The following SPTAN1 variants were observed in gnomAD, a reference collection of about 807,000 sequenced individuals.
The protein encoded by SPTAN1 is spectrin alpha, non-erythrocytic 1, also known as spectrin alpha chain, non-erythrocytic 1.
Under a neutral mutation model 331.3 loss-of-function variants are expected in SPTAN1, and 61 were observed. The ratio of observed to expected loss-of-function variants is 0.18; its 90% CI spans 0.15 to 0.23. The LOEUF is 0.23. Ranked by LOEUF, SPTAN1 falls within the 10% of genes least tolerant of loss-of-function variation. The pLI is 1.00. For missense variants in SPTAN1, 2,043 were observed against 3,147.9 expected (o/e 0.65, Z 8.40); for synonymous variants, 1,153 against 1,173.9 (o/e 0.98, Z 0.36).
rs1192584866 is a variant in SPTAN1 at position 128,627,070 on chromosome 9, C to T, written c.6577-316C>T. 6 of 554,436 alleles carry T rather than the reference C, an allele frequency of 1.1e-5. No homozygotes were observed. Among genetic ancestry groups the T allele is most frequent in the Non-Finnish European group, 2.1e-5 (6 of 292,308 alleles). 34.3% of individuals were successfully genotyped at this position (554,436 alleles called of 1,614,324 possible). The stretch of plus-strand genomic sequence containing the variant: ...TCAAGCAGTCCTCCTGCCCAGGCCT[C>T]CCAAAGTGCTGGGATTACAGGTGTG... On this transcript the variant is annotated intron_variant, in intron 49 of 56. Coordinates refer to ENST00000372739, the MANE Select transcript of SPTAN1 (RefSeq NM_001130438.3). This position sits in a 1 kb window ranked among gnomAD's most constrained non-coding sequence, Gnocchi z 4.9.
rs747186260 is a variant in SPTAN1 at position 128,632,463 on chromosome 9, A to G, written c.6992A>G (p.Lys2331Arg). The change falls in exon 54 of 57, where the codon AAA (lysine) becomes AGA (arginine). Residue 2331 changes from lysine to arginine, a missense_variant. Around this residue, in one of 12 missense-constraint regions of SPTAN1, gnomAD observed 58 missense variants for 74.0 expected, o/e 0.78. Transcript: ENST00000372739. The stretch of plus-strand genomic sequence containing the variant: ...ACAGGTGTGACTGAGGAGGCCCTCA[A>G]AGAATTCAGCATGATGTTTAAGTGA... The part of the protein sequence containing the change: ...NTTGVTEEAL[K>R]EFSMMFKHFD... 6.2e-7 allele frequency: 1 copy of G among 1,614,160 alleles called. No homozygotes were observed. Among genetic ancestry groups the G allele is most frequent in the Non-Finnish European group, 8.5e-7 (1 of 1,180,028 alleles).
intron 18 of SPTAN1, 145 bp downstream of exon 18, chr9:128,584,988 G>A (rs1852397248): frequency 3.4e-6 from 3 of 873,144 alleles, no homozygotes; most frequent in Non-Finnish European, 5.4e-6. Flanking sequence ...GACCTGACCA[G>A]ACCTTACCCT....
intron 23 of SPTAN1, chr9:128,593,503 G>A (rs914883242): frequency 1.5e-5 from 3 of 205,252 alleles, no homozygotes; most frequent in Admixed American, 5.3e-5. Context: ...TGTTGTTTTC[G>A]TGTTCAAAGA....
intron 1 of SPTAN1, among the ~76,000 whole-genome samples, chr9:128,561,015 CAAAAAAA>C (rs10648319): frequency 8.3e-5 from 5 of 60,330 alleles, no homozygotes; most frequent in Admixed American, 2.5e-4. Context: ...GACCCCATCT[CAAAAAAA>C]AAAAAAAAAA....
rs1427892796 is a variant in SPTAN1, at chr9:128,583,186, T to C, written c.1916T>C (p.Ile639Thr). 37 of 1,614,006 alleles carry C rather than the reference T, an allele frequency of 2.3e-5. No individual in the cohort carries two copies. In the Admixed American group the frequency reaches 5.2e-4, roughly 23 times the overall value. The change falls in exon 15 of 57, where the codon ATT (isoleucine) becomes ACT (threonine). Residue 639 changes from isoleucine (I) to threonine (T), a missense_variant. Ile to Thr is a moderately conservative substitution (Grantham distance 89). Around this residue, in one of 12 missense-constraint regions of SPTAN1, gnomAD observed 1,038 missense variants for 1,531.5 expected, o/e 0.68. Transcript: ENST00000372739. Reference protein sequence around the residue: ...DALEKAGQKLIDVNHYAKDEV... With the variant: ...DALEKAGQKLTDVNHYAKDEV... ...TTGGAGAAAGCTGGCCAAAAGCTGA[T>C]TGATGTCAACCACTATGCCAAGGAT...
chr9:128,569,695 C>T (rs565402790), intron 3 of SPTAN1, among the ~76,000 whole-genome samples: 1 of 152,058 alleles, frequency 6.6e-6, no homozygotes, highest in African/African-American at 2.4e-5. Flanking sequence ...TAGTCTTTTA[C>T]CTGTCAAAGC....
chr9:128,630,223 T>G, intron 51 of SPTAN1, 98 bp from the exon 52 acceptor site: 201 of 1,309,922 alleles, frequency 1.5e-4, no homozygotes, highest in Middle Eastern at 3.6e-4. Flanking sequence ...AAAAGGAATG[T>G]GAGGTTGCCA....
chr9:128,568,677 C>T, intron 2 of SPTAN1, 95 bp from the exon 3 acceptor site: 1 of 1,541,532 alleles, frequency 6.5e-7, no homozygotes, highest in Non-Finnish European at 8.9e-7. Context: ...CTAGAGGGAG[C>T]AGGATTGAGG....
chr9:128,628,152 A>G, intron 51 of SPTAN1: 1 of 749,716 alleles, frequency 1.3e-6, no homozygotes, highest in Non-Finnish European at 2.4e-6. Flanking sequence ...CCTTCAAGCC[A>G]GGGGGAGCCG....
intron 3 of SPTAN1, among the ~76,000 whole-genome samples, chr9:128,570,330 ATTTTTTTTTTTTT>A (rs541960678): frequency 4.2e-5 from 3 of 71,894 alleles, no homozygotes; most frequent in East Asian, 5.0e-4. Flanking sequence ...ATATATATAT[ATTTTTTTTTTTTT>A]TTTTTTTTTT....
At position 128,585,906 on chromosome 9, in the gene SPTAN1, C is replaced by T. The variant is rs886063502; in HGVS notation, c.2719C>T (p.Arg907Trp). ...TGCTAACGAGGCTGAATCCTGGATG[C>T]GGGAGAAGGAACCCATTGTGGGCAG... ...ADANEAESWM[R>W]EKEPIVGSTD... The change falls in exon 19 of 57, where the codon CGG becomes TGG. Residue 907 changes from arginine to tryptophan, a missense_variant. Arg to Trp is a moderately radical substitution (Grantham distance 101). Coordinates refer to ENST00000372739, the MANE Select transcript of SPTAN1 (RefSeq NM_001130438.3). 8.1e-6 allele frequency: 13 copies of T among 1,613,568 alleles called. No individual in the cohort carries two copies. Among genetic ancestry groups the T allele is most frequent in the South Asian group, 1.1e-5 (1 of 91,062 alleles).
rs755130187 is a variant in SPTAN1 at position 128,608,271 on chromosome 9, G to A, written c.4486G>A (p.Val1496Ile). 5 of 1,614,078 alleles carry A rather than the reference G, an allele frequency of 3.1e-6. No homozygotes were observed. The highest frequency in any genetic ancestry group is 1.3e-5 in the African/African-American group (1 of 74,924). ...TGAAGACTTTGACAAAGCGATTAAC[G>A]TCCAGGTGAGGCCTCTGGACCATGG... ...KHEDFDKAIN[V>I]QEEKIAALQA... Residue 1496 changes from valine to isoleucine, a missense_variant, in exon 34 of 57, where the codon GTC (valine) becomes ATC (isoleucine). Physicochemically the swap from Val to Ile is conservative, Grantham distance 29. Coordinates refer to ENST00000372739, the MANE Select transcript of SPTAN1 (RefSeq NM_001130438.3).
intron 1 of SPTAN1, among the ~76,000 whole-genome samples, chr9:128,562,091 G>A (rs949505037): frequency 6.6e-6 from 1 of 152,134 alleles, no homozygotes; most frequent in African/African-American, 2.4e-5. Context: ...CGAGGCATTT[G>A]CTTTGGACTC....
chr9:128,588,076 C>T (rs1012082004), intron 20 of SPTAN1, among the ~76,000 whole-genome samples: 2 of 148,162 alleles, frequency 1.3e-5, no homozygotes, highest in Non-Finnish European at 3.0e-5. Flanking sequence ...TGGCTCACTG[C>T]AACCTCTGCC....
intron 22 of SPTAN1, among the ~76,000 whole-genome samples, chr9:128,592,766 A>G (rs1168986533): frequency 6.6e-6 from 1 of 152,216 alleles, no homozygotes; most frequent in Non-Finnish European, 1.5e-5. Context: ...CAGACCCGCC[A>G]GGAAAATGAA....
chr9:128,624,221 G>A, intron 45 of SPTAN1, 107 bp from the exon 46 acceptor site: 2 of 1,342,130 alleles, frequency 1.5e-6, no homozygotes, highest in Non-Finnish European at 2.1e-6. Flanking sequence ...GTGGACAGGG[G>A]AGCAAGTGGC....
chr9:128,562,869 G>A (rs1002050074), intron 1 of SPTAN1, among the ~76,000 whole-genome samples: 1 of 151,416 alleles, frequency 6.6e-6, no homozygotes, highest in African/African-American at 2.4e-5. Context: ...GGAGGCTGAG[G>A]CAGGAGAATG....
chr9:128,633,401 T>G lies in SPTAN1; in HGVS notation c.*67T>G. 6.2e-7 allele frequency: 1 copy of G among 1,609,416 alleles called. No individual in the cohort carries two copies. On this transcript the variant is annotated 3_prime_UTR_variant, in exon 57 of 57. Transcript: ENST00000372739. ...TCGCCTTGCTGCATGTCCGCTCCTC[T>G]GTGTGCTCTCACTTTCCACTGTAAC...
chr9:128,574,845 C>T (rs748252690), intron 4 of SPTAN1, 30 bp downstream of exon 4: 1 of 1,613,820 alleles, frequency 6.2e-7, no homozygotes, highest in East Asian at 2.2e-5. Context: ...GTTTGCTAAG[C>T]TTTACTCAAA....
Sources: gnomAD v4.1 joint callset for allele counts (sites outside exome capture counted in the v4.1 genomes callset) on GRCh38, gnomAD v4.1.1 for gene constraint, gnomAD v4.1.1 regional missense constraint, Gnocchi (gnomAD v3.1) non-coding constraint, MANE v1.5 for transcripts, NCBI Gene and HGNC (gene_info 2026-07-23, HGNC 2026-07-21) for gene names.